The following TNRC18 variants were observed in gnomAD, a reference collection of about 807,000 sequenced individuals.
TNRC18 encodes trinucleotide repeat containing 18, also known as trinucleotide repeat-containing gene 18 protein.
TNRC18 carries 69 observed loss-of-function variants against 226.7 expected under a neutral mutation model. The ratio of observed to expected loss-of-function variants is 0.30; its 90% CI spans 0.25 to 0.37. The LOEUF (loss-of-function observed/expected upper bound fraction) is 0.37. Among genes scored for constraint, TNRC18 ranks in the 10% least tolerant of loss-of-function variants. The pLI, the probability that TNRC18 is intolerant of heterozygous loss-of-function variation, is 1.00. For missense variants in TNRC18, 4,754 were observed against 4,256.6 expected (o/e 1.12, Z -3.25); for synonymous variants, 2,449 against 1,927.6 (o/e 1.27, Z -7.09).
chr7:5,338,681 G>A (rs1471007675), intron 18 of TNRC18, among the ~76,000 whole-genome samples: 2 of 151,030 alleles, frequency 1.3e-5, no homozygotes, highest in Non-Finnish European at 2.9e-5. Flanking sequence ...AGCATTTTGG[G>A]AGGCCAAGGC....
intron 3 of TNRC18, among the ~76,000 whole-genome samples, chr7:5,390,868 G>C (rs957261947): frequency 3.9e-5 from 6 of 152,034 alleles, no homozygotes; most frequent in African/African-American, 1.5e-4. Context: ...AAGAGGATCA[G>C]AATGGATCCA....
Position 5,401,879 on chromosome 7 carries a change from A to G in TNRC18, c.188-7284T>C, listed in dbSNP as rs551115366. Among the ~76,000 whole-genome samples the G allele has an allele frequency of 4.6e-5, 7 of 152,282 alleles. No homozygotes were observed. In the East Asian group the frequency reaches 1.4e-3, roughly 29 times the overall value. On this transcript the variant is annotated intron_variant, in intron 2 of 29. Transcript: ENST00000430969. ...AAAGTGGGAGGACCGCCGGGAGCTT[A>G]AGAACGGCCTGGTTGGCCGGGCGTG...
chr7:5,417,962 A>G (rs1029810604), intron 2 of TNRC18, among the ~76,000 whole-genome samples: 1 of 152,056 alleles, frequency 6.6e-6, no homozygotes, highest in Non-Finnish European at 1.5e-5. Context: ...AGTGCTAGCC[A>G]AGCCAAGCCC....
intron 3 of TNRC18, among the ~76,000 whole-genome samples, chr7:5,393,241 A>C (rs1249037507): frequency 6.6e-6 from 1 of 152,224 alleles, no homozygotes; most frequent in African/African-American, 2.4e-5. Flanking sequence ...TTGGCTGGTT[A>C]AAGTGGGAGG....
chr7:5,321,966 C>G (rs911018574), intron 21 of TNRC18, among the ~76,000 whole-genome samples: 4 of 151,806 alleles, frequency 2.6e-5, no homozygotes, highest in Admixed American at 6.6e-5. Context: ...CCACCGTGCC[C>G]GGCCTCTTTC....
intron 3 of TNRC18, among the ~76,000 whole-genome samples, chr7:5,393,777 A>G (rs1481787778): frequency 6.6e-6 from 1 of 151,630 alleles, no homozygotes; most frequent in African/African-American, 2.4e-5. Context: ...TCTGCTCACG[A>G]CCCCGGGGAA....
At chr7:5,385,683 A>C (rs1421696652) in intron 5 of TNRC18, among the ~76,000 whole-genome samples, 1 of 142,356 alleles carries the variant, frequency 7.0e-6, no homozygotes, top group Non-Finnish European at 1.5e-5. Context: ...ACTCCATCCA[A>C]AAAAAAAAAG....
At chr7:5,364,461 AAACACACACACACACACACACACACACAC>A (rs1252883099) in intron 11 of TNRC18, among the ~76,000 whole-genome samples, 1 of 124,888 alleles carries the variant, frequency 8.0e-6, no homozygotes, top group Non-Finnish European at 1.7e-5. Flanking sequence ...GTCTCAAAGA[AAACACACACACACACACACACACACACAC>A]ACACACACAC....
At position 5,313,832 on chromosome 7, in the gene TNRC18, T is replaced by C. The variant is rs1235029716; in HGVS notation, c.7059A>G (p.Pro2353=). ...DRAATLEEGN[P]TDEVPSTPLA... is the part of the protein sequence containing the mutation. ...AGGGGGTACTGGGGACCTCGTCTGT[T>C]GGGTTCCCCTCCTCCAGGGTAGCGG... Residue 2353 remains proline, a synonymous_variant, in exon 27 of 30, where the codon CCA becomes CCG. Coordinates refer to ENST00000430969, the MANE Select transcript of TNRC18 (RefSeq NM_001080495.3). 4 of 1,501,604 alleles carry C rather than the reference T, an allele frequency of 2.7e-6. No individual in the cohort carries two copies. In the African/African-American group the frequency reaches 5.6e-5, roughly 21 times the overall value. The allele number at this position is 1,501,604 out of a possible 1,614,324, so 93.0% of individuals were successfully genotyped here.
intron 2 of TNRC18, among the ~76,000 whole-genome samples, chr7:5,409,127 C>T (rs1781675972): frequency 6.6e-6 from 1 of 151,108 alleles, no homozygotes; most frequent in African/African-American, 2.4e-5. Flanking sequence ...GCCAACAAGC[C>T]CCACCCTTAC....
chr7:5,377,325 C>T lies in TNRC18; in HGVS notation c.2461+46G>A, dbSNP rs1428329892. ...CTCTTGTCCTGCACCCGCCCCCTCC[C>T]ACCCCTCCCTCAGAGAAGGGGAGAG... On this transcript the variant is annotated intron_variant, in intron 7 of 29. Transcript: ENST00000430969. This position sits in a 1 kb window ranked among gnomAD's most constrained non-coding sequence, Gnocchi z 5.8. The T allele has an allele frequency of 1.8e-6, 2 of 1,105,758 alleles. No individual in the cohort carries two copies. Among genetic ancestry groups the T allele is most frequent in the Non-Finnish European group, 2.6e-6 (2 of 772,658 alleles). The allele number at this position is 1,105,758 out of a possible 1,614,324, so 68.5% of individuals were successfully genotyped here. A position where few individuals can be genotyped will look rare whatever the true frequency, so the allele number is the denominator to read the frequency against.
In TNRC18 at chr7:5,377,414, G is replaced by A. The variant is rs1392274061; in HGVS notation, c.2418C>T (p.Pro806=). Residue 806 remains proline (P), a synonymous_variant, in exon 7 of 30, where the codon CCC becomes CCT. Transcript: ENST00000430969. The surrounding 1 kb of genome is among the most constrained non-coding windows in gnomAD (Gnocchi z 5.8). ...GCCACATGGATGCGTTGCCCGAGCG[G>A]GGCAACCAGGGGTGCGTGGCCAGAT... ...AAHLATHPWL[P]RSGNASMWLA... The A allele has an allele frequency of 6.3e-7, 1 of 1,596,292 alleles. No individual in the cohort carries two copies.
At chr7:5,321,006 G>A (rs1562488644) in intron 22 of TNRC18, 67 bp downstream of exon 22, 1 of 1,166,512 alleles carries the variant, frequency 8.6e-7, no homozygotes, top group Non-Finnish European at 1.2e-6. Flanking sequence ...GCCAGGCACA[G>A]AGGCGGCCGG....
chr7:5,332,634 C>T lies in TNRC18; in HGVS notation c.6135G>A (p.Lys2045=), dbSNP rs1224484560. The T allele has an allele frequency of 2.0e-6, 3 of 1,529,422 alleles. No individual in the cohort carries two copies. The highest frequency in any genetic ancestry group is 2.4e-5 in the South Asian group (2 of 82,258). The allele number at this position is 1,529,422 out of a possible 1,614,324, so 94.7% of individuals were successfully genotyped here. ...RKDAGRAKDR[K]DPRKKKKGKE... ...GCGCGGCCCCTACCTTCCTGGGGTC[C>T]TTCCTGTCCTTTGCACGCCCGGCGT... The change falls in exon 19 of 30, where the codon AAG becomes AAA. Residue 2045 remains lysine, a synonymous_variant. Transcript: ENST00000430969.
chr7:5,342,022 T>C (rs1790735412), intron 18 of TNRC18, among the ~76,000 whole-genome samples: 2 of 152,242 alleles, frequency 1.3e-5, no homozygotes, highest in South Asian at 4.1e-4. Flanking sequence ...GGAGTAATTT[T>C]GAATTTCAAG....
At chr7:5,356,185 G>GA (rs1274336356) in intron 16 of TNRC18, among the ~76,000 whole-genome samples, 4 of 128,430 alleles carry the variant, frequency 3.1e-5, no homozygotes, top group Admixed American at 7.8e-5. Context: ...AAAAAAAAAA[G>GA]AAAGAAAATA....
chr7:5,344,772 C>A (rs190062186), intron 18 of TNRC18, among the ~76,000 whole-genome samples: 1 of 152,214 alleles, frequency 6.6e-6, no homozygotes, highest in Non-Finnish European at 1.5e-5. Context: ...ATCTCCGGCA[C>A]TGACCCCAGC....
rs1292029570 is a variant in TNRC18, at chr7:5,312,930, G to A, written c.7961C>T (p.Ser2654Phe). The A allele has an allele frequency of 1.4e-6, 2 of 1,418,558 alleles. No individual in the cohort carries two copies. Among genetic ancestry groups the A allele is most frequent in the African/African-American group, 1.4e-5 (1 of 70,876 alleles). 87.9% of individuals were successfully genotyped at this position (1,418,558 alleles called of 1,614,324 possible). ...GGAGGAGGAGGATGAGGACGAGGAA[G>A]AGGAGGAGGAGGAAGAGGAGGAAGA... Reference protein sequence around the residue: ...SSSSSSSSSSSSSSSSSSSSS... With the variant: ...SSSSSSSSSSFSSSSSSSSSS... Residue 2654 changes from serine (S) to phenylalanine (F), a missense_variant, in exon 27 of 30, where the codon TCT becomes TTT. Coordinates refer to ENST00000430969, the MANE Select transcript of TNRC18 (RefSeq NM_001080495.3). This position sits in a 1 kb window ranked among gnomAD's most constrained non-coding sequence, Gnocchi z 6.3.
intron 2 of TNRC18, among the ~76,000 whole-genome samples, chr7:5,396,803 T>C (rs1387176045): frequency 6.6e-6 from 1 of 152,092 alleles, no homozygotes; most frequent in Non-Finnish European, 1.5e-5. Flanking sequence ...GGCTCCTAGA[T>C]GGCCCCGGTC....
Sources: allele counts gnomAD v4.1 joint callset (sites outside exome capture counted in the v4.1 genomes callset), GRCh38; gene constraint gnomAD v4.1.1; non-coding constraint Gnocchi (gnomAD v3.1); transcripts MANE v1.5; gene names NCBI Gene and HGNC (gene_info 2026-07-23, HGNC 2026-07-21).